WWOX: variants seen among roughly 807,000 people sequenced by gnomAD.
WWOX encodes WW domain-containing oxidoreductase.
Under a neutral mutation model 46.2 loss-of-function variants are expected in WWOX, and 69 were observed. The observed-to-expected ratio is 1.49, with a 90% CI of 1.23 to 1.82. The LOEUF (loss-of-function observed/expected upper bound fraction) is 1.82, where lower values mean the gene tolerates loss of function less well. Ranked by LOEUF, WWOX falls within the 40% of genes most tolerant of loss-of-function variation. WWOX has a pLI of 0.00. For missense variants in WWOX, 919 were observed against 542.6 expected (o/e 1.69, Z -6.89); for synonymous variants, 359 against 202.6 (o/e 1.77, Z -6.56).
intron 6 of WWOX, among the ~76,000 whole-genome samples, chr16:78,403,408 T>G (rs772417604): frequency 1.5e-4 from 23 of 152,226 alleles, no homozygotes; most frequent in Admixed American, 1.3e-4. Context: ...TCTGCAGAAT[T>G]TATGCATCCA....
rs546833561 is a variant in WWOX at position 79,081,256 on chromosome 16, C to T, written c.1057-130352C>T. Among the ~76,000 whole-genome samples the T allele has an allele frequency of 1.0e-3, 157 of 152,266 alleles. 1 individual carries two copies. Among genetic ancestry groups the T allele is most frequent in the African/African-American group, 3.6e-3 (151 of 41,558 alleles). On this transcript the variant is annotated intron_variant, in intron 8 of 8. Transcript: ENST00000566780. ...TTGGCTCACTGCAACTTCTGCCTCC[C>T]GTGTTCAAGTGATTCTCCTGTCTCA... is the stretch of plus-strand genomic sequence containing the variant.
At chr16:78,726,628 G>A (rs1258886832) in intron 8 of WWOX, among the ~76,000 whole-genome samples, 3 of 152,088 alleles carry the variant, frequency 2.0e-5, no homozygotes. Context: ...ATTTATTTGA[G>A]CAATTAATGG....
chr16:79,201,286 G>C (rs1007628292), intron 8 of WWOX, among the ~76,000 whole-genome samples: 4 of 151,860 alleles, frequency 2.6e-5, no homozygotes, highest in Non-Finnish European at 4.4e-5. Flanking sequence ...ACTTGATAGA[G>C]GTTAGAAAGG....
intron 8 of WWOX, among the ~76,000 whole-genome samples, chr16:78,820,915 C>T (rs988996197): frequency 6.6e-6 from 1 of 152,174 alleles, no homozygotes; most frequent in Admixed American, 6.5e-5. Context: ...TACTTCCTCC[C>T]TTACATCACC....
chr16:78,458,669 T>A (rs1253089109), intron 8 of WWOX, among the ~76,000 whole-genome samples: 1 of 136,780 alleles, frequency 7.3e-6, no homozygotes, highest in Non-Finnish European at 1.5e-5. Context: ...AGAATATAAA[T>A]TAATTTTTTA....
At chr16:78,184,039 C>T (rs2035617150) in intron 5 of WWOX, among the ~76,000 whole-genome samples, 1 of 152,146 alleles carries the variant, frequency 6.6e-6, no homozygotes, top group Non-Finnish European at 1.5e-5. Context: ...TAAAAACCTC[C>T]CCCGTTGCTC....
At chr16:79,069,586 C>T (rs1224004144) in intron 8 of WWOX, among the ~76,000 whole-genome samples, 1 of 143,156 alleles carries the variant, frequency 7.0e-6, no homozygotes, top group Non-Finnish European at 1.5e-5. Context: ...AGCTAATAAA[C>T]AGTGCTAGTG....
chr16:79,173,232 C>T (rs1188355244), intron 8 of WWOX, among the ~76,000 whole-genome samples: 5 of 152,130 alleles, frequency 3.3e-5, no homozygotes, highest in African/African-American at 7.2e-5. Flanking sequence ...CCCTCCTGGG[C>T]CTCCTGAGGG....
intron 8 of WWOX, among the ~76,000 whole-genome samples, chr16:79,044,285 A>G (rs2048026601): frequency 6.6e-6 from 1 of 152,158 alleles, no homozygotes; most frequent in Non-Finnish European, 1.5e-5. Context: ...TGGCGGTCTG[A>G]TACAGCTTAG....
chr16:79,032,841 T>A (rs567208491), intron 8 of WWOX, among the ~76,000 whole-genome samples: 1 of 151,594 alleles, frequency 6.6e-6, no homozygotes, highest in Non-Finnish European at 1.5e-5. Flanking sequence ...GATGGGGGTT[T>A]GTTGTACAGA....
chr16:78,745,324 A>T (rs956393273), intron 8 of WWOX, among the ~76,000 whole-genome samples: 5 of 152,124 alleles, frequency 3.3e-5, no homozygotes, highest in African/African-American at 1.2e-4. Context: ...CTGCCTTCAA[A>T]AGCCTGAATT....
At chr16:78,790,500 A>G (rs1264941486) in intron 8 of WWOX, among the ~76,000 whole-genome samples, 1 of 152,202 alleles carries the variant, frequency 6.6e-6, no homozygotes, top group Non-Finnish European at 1.5e-5. Context: ...CAGAAGGTCT[A>G]CCTACAACTT....
chr16:79,097,201 T>C (rs2049093841), intron 8 of WWOX, among the ~76,000 whole-genome samples: 1 of 152,172 alleles, frequency 6.6e-6, no homozygotes, highest in South Asian at 2.1e-4. Context: ...AATTCTCTTT[T>C]ATAAAGAGCC....
At chr16:78,431,592 G>A (rs1400924096) in intron 7 of WWOX, among the ~76,000 whole-genome samples, 1 of 151,440 alleles carries the variant, frequency 6.6e-6, no homozygotes, top group African/African-American at 2.4e-5. Context: ...TGAAGGTTTT[G>A]AAAAATATAT....
At chr16:78,246,811 T>C (rs76857171) in intron 5 of WWOX, among the ~76,000 whole-genome samples, 2,048 of 152,072 alleles carry the variant, frequency 0.013, 22 homozygotes, top group Middle Eastern at 0.034. Context: ...GATGGGTGCT[T>C]GCCTGGAAGT....
At chr16:78,467,802 A>G (rs2084116350) in intron 8 of WWOX, among the ~76,000 whole-genome samples, 1 of 152,210 alleles carries the variant, frequency 6.6e-6, no homozygotes, top group South Asian at 2.1e-4. Context: ...CTTACTTAGA[A>G]TTTGGAAGAA....
intron 8 of WWOX, among the ~76,000 whole-genome samples, chr16:78,735,589 T>C (rs1041032627): frequency 1.3e-5 from 2 of 152,244 alleles, no homozygotes; most frequent in Admixed American, 1.3e-4. Flanking sequence ...GTCAACTTTT[T>C]GTGTCTGCAG....
At chr16:79,070,725 G>A (rs9930132) in intron 8 of WWOX, among the ~76,000 whole-genome samples, 56,589 of 152,032 alleles carry the variant, frequency 0.37, 10,783 homozygotes, top group South Asian at 0.45. Flanking sequence ...CAAGCTTCAA[G>A]TGGATAATTC....
rs889916165 is a variant in WWOX at position 78,871,941 on chromosome 16, C to T, written c.1057-339667C>T. 3.1e-4 allele frequency among the ~76,000 whole-genome samples: 47 copies of T among 152,302 alleles called. 1 individual carries two copies. Among genetic ancestry groups the T allele is most frequent in the African/African-American group, 1.0e-3 (42 of 41,574 alleles). ...TTCTGGCCCCTCAACCTGTTTTCTT[C>T]CAGCCATGCCCTAGGGAGAGCTTGG... is the stretch of plus-strand genomic sequence containing the variant. On this transcript the variant is annotated intron_variant, in intron 8 of 8. Transcript: ENST00000566780.
Sources: allele counts gnomAD v4.1 joint callset (sites outside exome capture counted in the v4.1 genomes callset), GRCh38; gene constraint gnomAD v4.1.1; transcripts MANE v1.5; gene names NCBI Gene and HGNC (gene_info 2026-07-23, HGNC 2026-07-21).